Variants in RCL1 observed in about 807,000 individuals in gnomAD.
RCL1 encodes RNA 3'-terminal phosphate cyclase-like protein.
In RCL1, 24 loss-of-function variants were observed where a neutral mutation model predicts 42.4. The observed-to-expected ratio is 0.57, with a 90% CI of 0.41 to 0.80. RCL1 has a LOEUF of 0.80. RCL1 is among the 30% of genes least tolerant of loss of function. RCL1 has a pLI of 0.00. For synonymous variants in RCL1, 228 were observed against 177.3 expected (o/e 1.29, Z -2.27); for missense variants, 578 against 467.9 (o/e 1.24, Z -2.17).
At chr9:4,837,008 G>A (rs916153114) in intron 5 of RCL1, among the ~76,000 whole-genome samples, 1 of 152,134 alleles carries the variant, frequency 6.6e-6, no homozygotes, top group South Asian at 2.1e-4. Flanking sequence ...AAGGAGAAAT[G>A]GTTCCTTTCC....
intron 1 of RCL1, among the ~76,000 whole-genome samples, chr9:4,808,804 A>G (rs1054438808): frequency 2.0e-5 from 3 of 152,242 alleles, no homozygotes; most frequent in African/African-American, 7.2e-5. Flanking sequence ...GGATTCTCAT[A>G]TAAGCAAAGC....
intron 8 of RCL1, among the ~76,000 whole-genome samples, chr9:4,859,333 C>G (rs771621729): frequency 5.4e-4 from 82 of 152,296 alleles, no homozygotes; most frequent in Non-Finnish European, 7.1e-4. Flanking sequence ...AGTTCTTCCC[C>G]GTCTGTGTTG....
chr9:4,794,777 C>T (rs1842887163), intron 1 of RCL1, among the ~76,000 whole-genome samples: 1 of 152,086 alleles, frequency 6.6e-6, no homozygotes, highest in Non-Finnish European at 1.5e-5. Flanking sequence ...GTATGCTTCT[C>T]CTTCTCCCCC....
At chr9:4,858,248 C>G (rs1818031460) in intron 8 of RCL1, among the ~76,000 whole-genome samples, 1 of 152,048 alleles carries the variant, frequency 6.6e-6, no homozygotes, top group African/African-American at 2.4e-5. Flanking sequence ...AGTTGAGATG[C>G]CTGACCTTTA....
intron 1 of RCL1, among the ~76,000 whole-genome samples, chr9:4,805,796 G>T (rs1815927483): frequency 6.6e-6 from 1 of 152,192 alleles, no homozygotes; most frequent in Non-Finnish European, 1.5e-5. Context: ...CACTGCCTTT[G>T]TTCCCCAGAG....
intron 3 of RCL1, among the ~76,000 whole-genome samples, chr9:4,829,467 T>G (rs1563843962): frequency 6.6e-6 from 1 of 152,044 alleles, no homozygotes; most frequent in Admixed American, 6.5e-5. Context: ...GGATAATGAG[T>G]GATGCTTTTT....
intron 5 of RCL1, among the ~76,000 whole-genome samples, chr9:4,838,568 C>G (rs1817212358): frequency 8.3e-6 from 1 of 120,346 alleles, no homozygotes; most frequent in African/African-American, 3.4e-5. Flanking sequence ...ATCAAGCTCT[C>G]TCTCCACCTA....
chr9:4,813,844 A>T lies in RCL1; in HGVS notation c.137-9704A>T, dbSNP rs558865232. Among the ~76,000 whole-genome samples the T allele has an allele frequency of 1.6e-3, 245 of 152,338 alleles. 1 individual carries two copies. The highest frequency in any genetic ancestry group is 3.7e-3 in the Admixed American group (56 of 15,304). ...AAAATGTGGCACATATACACCATGG[A>T]ATACTGTGCAGCCATAAAAAATGAT... is the stretch of plus-strand genomic sequence containing the variant. On this transcript the variant is annotated intron_variant, in intron 1 of 8. Coordinates refer to ENST00000381750, the MANE Select transcript of RCL1 (RefSeq NM_005772.5).
intron 1 of RCL1, among the ~76,000 whole-genome samples, chr9:4,811,573 C>G (rs1587701174): frequency 6.6e-6 from 1 of 152,160 alleles, no homozygotes; most frequent in African/African-American, 2.4e-5. Context: ...AAAGCCTCTT[C>G]ATGTTGCTGC....
intron 3 of RCL1, chr9:4,827,245 A>G: frequency 6.7e-7 from 1 of 1,486,278 alleles, no homozygotes; most frequent in South Asian, 1.4e-5. Context: ...AACAGTTACC[A>G]AGGTGCCTTT....
chr9:4,831,528 G>T (rs536312331), intron 3 of RCL1, among the ~76,000 whole-genome samples: 1 of 152,266 alleles, frequency 6.6e-6, no homozygotes, highest in East Asian at 1.9e-4. Flanking sequence ...CCAGGCTGGA[G>T]TGCAGTGGCA....
intron 8 of RCL1, 90 bp downstream of exon 8, chr9:4,849,640 T>C (rs1817652242): frequency 2.2e-6 from 2 of 907,756 alleles, no homozygotes; most frequent in African/African-American, 3.3e-5. Flanking sequence ...GCACAGAGCC[T>C]GCACTATGAA....
chr9:4,804,525 G>A (rs746554895), intron 1 of RCL1: 3 of 152,432 alleles, frequency 2.0e-5, no homozygotes, highest in Non-Finnish European at 2.9e-5. Flanking sequence ...TTAAGTTCTG[G>A]GCGCGGGAGC....
At chr9:4,827,207 T>C (rs995936701) in intron 3 of RCL1, 174 bp downstream of exon 3, 1 of 1,532,682 alleles carries the variant, frequency 6.5e-7, no homozygotes, top group African/African-American at 1.4e-5. Context: ...AACCAAAACT[T>C]AGGATCATCA....
At chr9:4,831,631 G>T (rs955121779) in intron 3 of RCL1, among the ~76,000 whole-genome samples, 4 of 118,482 alleles carry the variant, frequency 3.4e-5, no homozygotes, top group Admixed American at 8.9e-5. Context: ...CGTGCAGCAT[G>T]CCCAGCTTAT....
intron 7 of RCL1, 127 bp downstream of exon 7, chr9:4,844,808 T>A: frequency 1.1e-6 from 1 of 921,630 alleles, no homozygotes; most frequent in Non-Finnish European, 1.6e-6. Flanking sequence ...TCCTGTGCAT[T>A]AAGCAGTTCA....
intron 1 of RCL1, among the ~76,000 whole-genome samples, chr9:4,793,531 C>A (rs1056351385): frequency 6.6e-6 from 1 of 152,238 alleles, no homozygotes; most frequent in Non-Finnish European, 1.5e-5. Flanking sequence ...CCCTTCGCGT[C>A]CCTTCGGCCC....
intron 1 of RCL1, among the ~76,000 whole-genome samples, chr9:4,796,719 G>A (rs1268443729): frequency 6.6e-6 from 1 of 152,084 alleles, no homozygotes; most frequent in Non-Finnish European, 1.5e-5. Context: ...TCTTTTTTAT[G>A]GCTGTGTAGT....
intron 8 of RCL1, among the ~76,000 whole-genome samples, chr9:4,853,198 C>T (rs462409): frequency 0.26 from 39,717 of 151,958 alleles, 6,161 homozygotes; most frequent in Non-Finnish European, 0.35. Flanking sequence ...TCATGTGCAC[C>T]GTCTTACAGG....
Sources: gnomAD v4.1 joint callset for allele counts (sites outside exome capture counted in the v4.1 genomes callset) on GRCh38, gnomAD v4.1.1 for gene constraint, MANE v1.5 for transcripts, NCBI Gene and HGNC (gene_info 2026-07-23, HGNC 2026-07-21) for gene names.